The following SPIRE1 variants were observed in gnomAD, a reference collection of about 807,000 sequenced individuals.
SPIRE1 encodes the protein spire type actin nucleation factor 1.
A neutral mutation model predicts 94.1 loss-of-function variants in SPIRE1; 40 were observed. The observed-to-expected ratio is 0.43, with a 90% CI of 0.33 to 0.55. SPIRE1 has a LOEUF of 0.55. SPIRE1 is among the 20% of genes least tolerant of loss of function. The probability of loss-of-function intolerance (pLI) is 0.06; values close to 1 mark genes in which losing one functional copy is unlikely to be tolerated. For missense variants in SPIRE1, 838 were observed against 975.2 expected, an observed-to-expected ratio of 0.86 and a Z score of 1.87; for synonymous variants, 376 against 371.7, an observed-to-expected ratio of 1.01 and a Z score of -0.13.
chr18:12,521,958 T>A (rs992002675), intron 4 of SPIRE1, among the ~76,000 whole-genome samples: 1 of 152,180 alleles, frequency 6.6e-6, no homozygotes, highest in Non-Finnish European at 1.5e-5. Flanking sequence ...GGCCTCCCTA[T>A]TCCGTGAGAC....
intron 2 of SPIRE1, among the ~76,000 whole-genome samples, chr18:12,623,054 C>G (rs1290895146): frequency 6.6e-6 from 1 of 152,030 alleles, no homozygotes; most frequent in Non-Finnish European, 1.5e-5. Flanking sequence ...GAAGAGATGC[C>G]GAGAAAAATA....
At chr18:12,644,191 TC>T (rs1402398021) in intron 1 of SPIRE1, among the ~76,000 whole-genome samples, 1 of 96,110 alleles carries the variant, frequency 1.0e-5, no homozygotes, top group African/African-American at 3.9e-5. Context: ...AGAGGGAAAC[TC>T]CATCTCAAAA....
intron 2 of SPIRE1, among the ~76,000 whole-genome samples, chr18:12,562,124 G>C (rs1200732368): frequency 2.0e-5 from 3 of 152,140 alleles, no homozygotes; most frequent in Non-Finnish European, 2.9e-5. Flanking sequence ...TTATTAGTAG[G>C]AGAGCAAGAG....
rs540822817 is a variant in SPIRE1 at position 12,504,100 on chromosome 18, TAAAGTAAATCAGATTTGATGA to T, written c.972+2356_972+2376del. Among the ~76,000 whole-genome samples, 365 of 147,854 alleles carry T rather than the reference TAAAGTAAATCAGATTTGATGA, an allele frequency of 2.5e-3. 21 individuals are homozygous for T. The highest frequency in any genetic ancestry group is 0.014 in the South Asian group (66 of 4,800). On this transcript the variant is annotated intron_variant, in intron 6 of 16. Transcript: ENST00000409402. ...CTTTAAATTTCAGTTTCCTCATCTGTAAAGTAAATCAGATTTGATGAAAAGTAAATAAATATAATATTTAGT... is the reference window on the plus strand; with the variant it reads ...CTTTAAATTTCAGTTTCCTCATCTGTAAAGTAAATAAATATAATATTTAGT...
At chr18:12,455,624 G>T (rs144014070) in intron 12 of SPIRE1, among the ~76,000 whole-genome samples, 1 of 152,134 alleles carries the variant, frequency 6.6e-6, no homozygotes, top group East Asian at 1.9e-4. Flanking sequence ...ACACCCATCC[G>T]CTCCCCATCC....
At chr18:12,470,660 T>C (rs1368803367) in intron 10 of SPIRE1, among the ~76,000 whole-genome samples, 1 of 152,190 alleles carries the variant, frequency 6.6e-6, no homozygotes, top group Admixed American at 6.5e-5. Flanking sequence ...TGCATGTGCA[T>C]GTACAGACTC....
chr18:12,655,250 AAGAG>A (rs138813086), intron 1 of SPIRE1, among the ~76,000 whole-genome samples: 3,112 of 150,772 alleles, frequency 0.021, 103 homozygotes, highest in East Asian at 0.096. Flanking sequence ...AGAAAAGAAA[AAGAG>A]AGAGAGAGAG....
At position 12,657,569 on chromosome 18, in the gene SPIRE1, G is replaced by A; in HGVS notation, c.298C>T (p.Pro100Ser). Residue 100 changes from proline (P) to serine (S), a missense_variant, in exon 1 of 17, where the codon CCC (proline) becomes TCC (serine). This residue lies in a region of SPIRE1 where 193 missense variants were observed against 170.5 expected (regional missense o/e 1.13). Coordinates refer to ENST00000409402, the MANE Select transcript of SPIRE1 (RefSeq NM_001128626.2). Reference protein sequence around the residue: ...VWRDGAVTLAPAADDAGEPPP... With the variant: ...VWRDGAVTLASAADDAGEPPP... The stretch of plus-strand genomic sequence containing the variant: ...GGCTCTCCCGCGTCGTCGGCCGCGG[G>A]CGCCAGGGTGACGGCGCCGTCCCTC... 3 of 1,239,234 alleles carry A rather than the reference G, an allele frequency of 2.4e-6. No homozygotes were observed. The highest frequency in any genetic ancestry group is 3.0e-6 in the Non-Finnish European group (3 of 992,094). The allele number at this position is 1,239,234 out of a possible 1,614,324, so 76.8% of individuals were successfully genotyped here. A position where few individuals can be genotyped will look rare whatever the true frequency, so the allele number is the denominator to read the frequency against.
rs556571312 is a variant in SPIRE1 at position 12,476,469 on chromosome 18, A to T, written c.1404+3230T>A. On this transcript the variant is annotated intron_variant, in intron 10 of 16. Transcript: ENST00000409402. ...GACAGGAGAATCGCTTGAACCTGGGAGGTCGAGTTTGCAGTGAGCAGAGAT... is the reference window on the plus strand; with the variant it reads ...GACAGGAGAATCGCTTGAACCTGGGTGGTCGAGTTTGCAGTGAGCAGAGAT... 2.8e-5 allele frequency among the ~76,000 whole-genome samples: 4 copies of T among 142,510 alleles called. No individual in the cohort carries two copies. In the South Asian group the frequency reaches 7.4e-4, roughly 26 times the overall value. 93.5% of individuals were successfully genotyped at this position (142,510 alleles called of 152,430 possible). A position where few individuals can be genotyped will look rare whatever the true frequency, so the allele number is the denominator to read the frequency against.
intron 2 of SPIRE1, among the ~76,000 whole-genome samples, chr18:12,582,923 T>C (rs2036296026): frequency 6.6e-6 from 1 of 152,158 alleles, no homozygotes; most frequent in Admixed American, 6.5e-5. Context: ...TGGAACTTAG[T>C]ACAAAGATCA....
chr18:12,471,801 T>C (rs2032371132), intron 10 of SPIRE1, among the ~76,000 whole-genome samples: 2 of 152,196 alleles, frequency 1.3e-5, no homozygotes, highest in South Asian at 4.1e-4. Flanking sequence ...TTCTTCTTTT[T>C]TTGGAGAGAG....
At chr18:12,617,875 A>C (rs1258646792) in intron 2 of SPIRE1, among the ~76,000 whole-genome samples, 1 of 151,966 alleles carries the variant, frequency 6.6e-6, no homozygotes, top group African/African-American at 2.4e-5. Flanking sequence ...TCATTTTATC[A>C]TGGTAATACT....
intron 8 of SPIRE1, among the ~76,000 whole-genome samples, chr18:12,491,917 G>A (rs2033247171): frequency 6.6e-6 from 1 of 152,178 alleles, no homozygotes; most frequent in Admixed American, 6.5e-5. Context: ...AATCAACAGG[G>A]GTTGGCCATC....
intron 7 of SPIRE1, among the ~76,000 whole-genome samples, chr18:12,495,524 T>C (rs2033425884): frequency 1.3e-5 from 2 of 152,142 alleles, no homozygotes; most frequent in African/African-American, 2.4e-5. Flanking sequence ...ATGACCCAGG[T>C]TGTTTTGAGT....
At chr18:12,658,109 G>GCGTCCGGCGCCC (rs1843828462), upstream of SPIRE1, 1 of 916,456 alleles carries the variant, frequency 1.1e-6, no homozygotes. Context: ...ATGGCGTCCG[G>GCGTCCGGCGCCC]CGCCCCGCCC....
At chr18:12,457,360 A>G (rs1472333604) in intron 12 of SPIRE1, among the ~76,000 whole-genome samples, 2 of 152,236 alleles carry the variant, frequency 1.3e-5, no homozygotes, top group African/African-American at 4.8e-5. Context: ...AAAAATATTA[A>G]TTCGACATCT....
intron 2 of SPIRE1, among the ~76,000 whole-genome samples, chr18:12,590,816 C>T (rs976181104): frequency 6.6e-6 from 1 of 152,162 alleles, no homozygotes; most frequent in Non-Finnish European, 1.5e-5. Flanking sequence ...CAGGACTTCC[C>T]ATGTACATAT....
At chr18:12,514,269 C>A (rs369622419) in intron 4 of SPIRE1, among the ~76,000 whole-genome samples, 3 of 152,144 alleles carry the variant, frequency 2.0e-5, no homozygotes, top group African/African-American at 7.2e-5. Context: ...CTTGTGCAAA[C>A]GTCACCTTCT....
intron 2 of SPIRE1, among the ~76,000 whole-genome samples, chr18:12,581,342 C>T (rs920737848): frequency 1.3e-5 from 2 of 152,098 alleles, no homozygotes; most frequent in Admixed American, 1.3e-4. Flanking sequence ...AAGTTGCTTA[C>T]AGCACTTGAT....
Sources: gnomAD v4.1 joint callset for allele counts (sites outside exome capture counted in the v4.1 genomes callset) on GRCh38, gnomAD v4.1.1 for gene constraint, gnomAD v4.1.1 regional missense constraint, MANE v1.5 for transcripts, NCBI Gene and HGNC (gene_info 2026-07-23, HGNC 2026-07-21) for gene names.